The following TUBA4B variants were observed in gnomAD, a reference collection of about 807,000 sequenced individuals.
TUBA4B encodes the protein tubulin-like protein alpha-4B.
Under a neutral mutation model 18.4 loss-of-function variants are expected in TUBA4B, and 13 were observed. The ratio of observed to expected loss-of-function variants is 0.71; its 90% confidence interval spans 0.46 to 1.12. The LOEUF (loss-of-function observed/expected upper bound fraction) is 1.12. Among genes scored for constraint, TUBA4B ranks in the 50% most tolerant of loss-of-function variants. The pLI is 0.00. For synonymous variants in TUBA4B, 101 were observed against 99.1 expected, an observed-to-expected ratio of 1.02 and a Z score of -0.11; for missense variants, 244 against 250.0, an observed-to-expected ratio of 0.98 and a Z score of 0.16.
At chr2:219,268,020 C>T (rs1951800706) in intron 2 of TUBA4B, among the ~76,000 whole-genome samples, 1 of 151,940 alleles carries the variant, frequency 6.6e-6, no homozygotes, top group Admixed American at 6.6e-5. Context: ...GGTGCAGCAC[C>T]AGGCAGGTGA....
chr2:219,268,255 T>C (rs1457412920), intron 2 of TUBA4B, among the ~76,000 whole-genome samples: 1 of 151,962 alleles, frequency 6.6e-6, no homozygotes, highest in African/African-American at 2.4e-5. Flanking sequence ...ATTATAAGCA[T>C]ACACCATTTT....
chr2:219,254,124 C>G, intron 1 of TUBA4B: 1 of 397,670 alleles, frequency 2.5e-6, no homozygotes, highest in Non-Finnish European at 4.5e-6. Context: ...AGTCGCGATT[C>G]GGGCTTTAAC....
chr2:219,254,281 G>A (rs955203066), intron 1 of TUBA4B: 2 of 164,870 alleles, frequency 1.2e-5, no homozygotes, highest in African/African-American at 4.8e-5. Context: ...GGGAGCAGGC[G>A]AGGCGGTCCT....
intron 2 of TUBA4B, among the ~76,000 whole-genome samples, chr2:219,268,125 T>C (rs935096595): frequency 2.7e-5 from 4 of 146,376 alleles, no homozygotes; most frequent in Non-Finnish European, 6.0e-5. Context: ...TTTTTTTTTT[T>C]TGAGATGGAG....
chr2:219,271,276 C>T lies in TUBA4B; in HGVS notation c.303C>T (p.Gly101=). The T allele has an allele frequency of 6.6e-7, 1 of 1,504,850 alleles. No homozygotes were observed. The highest frequency in any genetic ancestry group is 2.3e-5 in the East Asian group (1 of 44,374). The allele number at this position is 1,504,850 out of a possible 1,614,324, so 93.2% of individuals were successfully genotyped here. Residue 101 remains glycine, a synonymous_variant, in exon 4 of 4, where the codon GGC becomes GGT. Transcript: ENST00000490341. ...FLMEWLSVNY[G]KKSKLGFSIY... ...TGGAGTGGCTTTCTGTTAACTATGG[C>T]AAGAAATCCAAGCTGGGATTCTCCA...
intron 1 of TUBA4B, among the ~76,000 whole-genome samples, chr2:219,258,446 G>T (rs1951737640): frequency 6.6e-6 from 1 of 150,602 alleles, no homozygotes; most frequent in Non-Finnish European, 1.5e-5. Flanking sequence ...ACAGTCTCCT[G>T]AGTAGTTGGG....
intron 2 of TUBA4B, among the ~76,000 whole-genome samples, chr2:219,268,657 A>G (rs1951806214): frequency 6.6e-6 from 1 of 152,212 alleles, no homozygotes; most frequent in Non-Finnish European, 1.5e-5. Context: ...CAGATTATTT[A>G]TGGATTAATC....
intron 1 of TUBA4B, among the ~76,000 whole-genome samples, chr2:219,264,564 T>C (rs1163034377): frequency 6.6e-6 from 1 of 151,638 alleles, no homozygotes; most frequent in East Asian, 1.9e-4. Context: ...TGAGGTAGAA[T>C]AAGGGTTACA....
intron 1 of TUBA4B, 27 bp from the exon 2 acceptor site, chr2:219,266,494 G>T (rs1295912652): frequency 1.4e-6 from 1 of 702,350 alleles, no homozygotes; most frequent in Admixed American, 2.0e-5. Flanking sequence ...GCCTCTCACA[G>T]ATCTATCCCT....
intron 2 of TUBA4B, among the ~76,000 whole-genome samples, chr2:219,267,697 T>G (rs1314310117): frequency 2.6e-5 from 4 of 151,988 alleles, no homozygotes; most frequent in Non-Finnish European, 5.9e-5. Context: ...CCCAAGTAGC[T>G]GGGACTACAG....
Position 219,271,868 on chromosome 2 carries a change from C to T in TUBA4B, c.*169C>T. ...AAGGTTGATATCAATCACCAGCCTC[C>T]CACTGTGGTGCCTGGGAGTGACCTG... On this transcript the variant is annotated 3_prime_UTR_variant, in exon 4 of 4. Coordinates refer to ENST00000490341, the MANE Select transcript of TUBA4B (RefSeq NM_001355221.1). 4 of 1,486,508 alleles carry T rather than the reference C, an allele frequency of 2.7e-6. No individual in the cohort carries two copies. The highest frequency in any genetic ancestry group is 1.1e-5 in the South Asian group (1 of 88,480). 92.1% of individuals were successfully genotyped at this position (1,486,508 alleles called of 1,614,324 possible). A position where few individuals can be genotyped will look rare whatever the true frequency, so the allele number is the denominator to read the frequency against.
In TUBA4B at chr2:219,271,435, C is replaced by T. The variant is rs1191663065; in HGVS notation, c.462C>T (p.Cys154=). Residue 154 remains cysteine, a synonymous_variant, in exon 4 of 4, where the codon TGC becomes TGT. Coordinates refer to ENST00000490341, the MANE Select transcript of TUBA4B (RefSeq NM_001355221.1). The part of the protein sequence containing the change: ...DNKAIYDICH[C]NLDIERPTYT... ...AAGCAATCTATGACATCTGCCACTG[C>T]AACCTAGACATCGAGCGCCCAACCT... 9.3e-6 allele frequency: 15 copies of T among 1,614,178 alleles called. No homozygotes were observed. In the South Asian group the frequency reaches 1.6e-4, roughly 18 times the overall value.
At chr2:219,264,002 G>T (rs567005093) in intron 1 of TUBA4B, among the ~76,000 whole-genome samples, 2 of 152,320 alleles carry the variant, frequency 1.3e-5, no homozygotes, top group East Asian at 3.9e-4. Flanking sequence ...CTGGAAGAGG[G>T]ACTGAACTGT....
chr2:219,255,894 A>G (rs540673097), intron 1 of TUBA4B, among the ~76,000 whole-genome samples: 1 of 152,240 alleles, frequency 6.6e-6, no homozygotes, highest in East Asian at 1.9e-4. Flanking sequence ...GGAAAGGAAT[A>G]TAGTGAAATA....
intron 1 of TUBA4B, among the ~76,000 whole-genome samples, chr2:219,257,834 T>C (rs1203434967): frequency 4.6e-5 from 7 of 151,018 alleles, no homozygotes; most frequent in Non-Finnish European, 8.8e-5. Flanking sequence ...AATATATATA[T>C]ACACACACTA....
chr2:219,271,306 C>T lies in TUBA4B; in HGVS notation c.333C>T (p.Tyr111=). 1.3e-6 allele frequency: 2 copies of T among 1,586,120 alleles called. No individual in the cohort carries two copies. The highest frequency in any genetic ancestry group is 1.7e-6 in the Non-Finnish European group (2 of 1,154,644). Residue 111 remains tyrosine, a synonymous_variant, in exon 4 of 4, where the codon TAC becomes TAT. Coordinates refer to ENST00000490341, the MANE Select transcript of TUBA4B (RefSeq NM_001355221.1). ...GKKSKLGFSI[Y]PAPQVSTAMV... ...AATCCAAGCTGGGATTCTCCATCTA[C>T]CCAGCCCCCCAGGTGTCTACAGCCA...
chr2:219,260,089 T>G (rs1054834889), intron 1 of TUBA4B, among the ~76,000 whole-genome samples: 4 of 152,170 alleles, frequency 2.6e-5, no homozygotes, highest in Non-Finnish European at 5.9e-5. Flanking sequence ...TTGTTGGTTT[T>G]GATGACAGCA....
intron 3 of TUBA4B, among the ~76,000 whole-genome samples, chr2:219,270,777 A>T (rs543466038): frequency 5.3e-5 from 8 of 150,480 alleles, no homozygotes; most frequent in African/African-American, 1.8e-4. Context: ...CTTAGTAGAG[A>T]AACCCTCTAG....
In TUBA4B at chr2:219,257,340, C is replaced by T. The variant is rs187144851; in HGVS notation, c.12+3921C>T. On this transcript the variant is annotated intron_variant, in intron 1 of 3. Coordinates refer to ENST00000490341, the MANE Select transcript of TUBA4B (RefSeq NM_001355221.1). Reference sequence around the variant, plus strand: ...ACAGGTGTGAGCCACTGCGCCCAGCCTTTTTTTTTTTTTTTTTTTTTGAGG... The same window carrying T: ...ACAGGTGTGAGCCACTGCGCCCAGCTTTTTTTTTTTTTTTTTTTTTTGAGG... 2.7e-3 allele frequency among the ~76,000 whole-genome samples: 253 copies of T among 92,614 alleles called. 1 individual carries two copies. Among genetic ancestry groups the T allele is most frequent in the African/African-American group, 8.7e-3 (208 of 23,966 alleles). 60.8% of individuals were successfully genotyped at this position (92,614 alleles called of 152,430 possible). A position where few individuals can be genotyped will look rare whatever the true frequency, so the allele number is the denominator to read the frequency against.
Sources: gnomAD v4.1 joint callset for allele counts (sites outside exome capture counted in the v4.1 genomes callset) on GRCh38, gnomAD v4.1.1 for gene constraint, MANE v1.5 for transcripts, NCBI Gene and HGNC (gene_info 2026-07-23, HGNC 2026-07-21) for gene names.